The following RNASEH1 variants were observed in gnomAD, a reference collection of about 807,000 sequenced individuals.
RNASEH1 encodes the protein ribonuclease H type II.
A neutral mutation model predicts 34.6 loss-of-function variants in RNASEH1; 27 were observed. That is an observed-to-expected ratio of 0.78 (90% confidence interval 0.58 to 1.08). The LOEUF is 1.08. Among genes scored for constraint, RNASEH1 ranks in the 50% least tolerant of loss-of-function variants. The pLI is 0.00. For synonymous variants in RNASEH1, 162 were observed against 138.4 expected (o/e 1.17, Z -1.20); for missense variants, 349 against 373.6 (o/e 0.93, Z 0.54).
At chr2:3,550,208 C>A (rs2103343816) in intron 4 of RNASEH1, 165 bp downstream of exon 4, 1 of 535,726 alleles carries the variant, frequency 1.9e-6, no homozygotes, top group Non-Finnish European at 3.4e-6. Context: ...TTCTGAAAAG[C>A]AATGCCGCTT....
chr2:3,550,795 C>T (rs138940735), intron 3 of RNASEH1, among the ~76,000 whole-genome samples: 2,552 of 152,318 alleles, frequency 0.017, 41 homozygotes, highest in South Asian at 0.061. Context: ...GCTGTCTCCA[C>T]GGCAGGGTCA....
chr2:3,554,517 CA>C (rs1322310576), intron 2 of RNASEH1, among the ~76,000 whole-genome samples: 2 of 152,002 alleles, frequency 1.3e-5, no homozygotes, highest in Non-Finnish European at 2.9e-5. Context: ...TGTTAAAAAA[CA>C]AAAAACTGTA....
chr2:3,557,942 A>T, intron 1 of RNASEH1, 191 bp downstream of exon 1: 4 of 1,526,340 alleles, frequency 2.6e-6, no homozygotes, highest in Non-Finnish European at 3.5e-6. Flanking sequence ...GGTGCGTTCC[A>T]GTCCCAGGCC....
At chr2:3,556,506 T>A (rs950626682) in intron 2 of RNASEH1, among the ~76,000 whole-genome samples, 1 of 152,060 alleles carries the variant, frequency 6.6e-6, no homozygotes, top group African/African-American at 2.4e-5. Flanking sequence ...AGTTTCATCA[T>A]GTTGGCCAGG....
intron 3 of RNASEH1, among the ~76,000 whole-genome samples, chr2:3,551,415 G>C (rs1369439604): frequency 6.6e-6 from 1 of 152,220 alleles, no homozygotes; most frequent in Non-Finnish European, 1.5e-5. Flanking sequence ...TCTGGAAACG[G>C]CTCATCTCCC....
At chr2:3,550,555 G>A (rs958906460) in intron 3 of RNASEH1, 83 bp from the exon 4 acceptor site, 10 of 1,038,796 alleles carry the variant, frequency 9.6e-6, no homozygotes, top group African/African-American at 3.1e-5. Context: ...GGTCGACTTA[G>A]CATTTTAAAC....
At position 3,543,451 on chromosome 2, in the gene RNASEH1, G is replaced by A. The variant is rs999898025; in HGVS notation, c.*2334C>T. ...TGCAGGGAGCTATCAATGACTGTGC[G>A]TGTGGTCTGTGCACACATGTATGCA... On this transcript the variant is annotated 3_prime_UTR_variant, in exon 8 of 8. Transcript: ENST00000315212. Among the ~76,000 whole-genome samples, 5 of 152,176 alleles carry A rather than the reference G, an allele frequency of 3.3e-5. No individual in the cohort carries two copies. The highest frequency in any genetic ancestry group is 9.6e-5 in the African/African-American group (4 of 41,492).
At position 3,545,797 on chromosome 2, in the gene RNASEH1, T is replaced by C. The variant is rs1190789630; in HGVS notation, c.849A>G (p.Gln283=). 1.8e-5 allele frequency: 29 copies of C among 1,613,094 alleles called. No homozygotes were observed. Among genetic ancestry groups the C allele is most frequent in the Non-Finnish European group, 2.3e-5 (27 of 1,179,002 alleles). Residue 283 remains glutamine (Q), a synonymous_variant, in exon 8 of 8, where the codon CAA becomes CAG. Transcript: ENST00000315212. ...AAAGTCACATGGCTCAGTCTTCCGA[T>C]TGTTTAGCTCCTTCTCTGGCTAATC... ...ADRLAREGAK[Q]SED is the part of the protein sequence containing the mutation.
chr2:3,540,188 C>G (rs1048371598), downstream of RNASEH1, among the ~76,000 whole-genome samples: 2 of 152,130 alleles, frequency 1.3e-5, no homozygotes, highest in Non-Finnish European at 1.5e-5. Context: ...TCTGATATGA[C>G]AGTCACTCAA....
chr2:3,551,888 C>G (rs541501711), intron 3 of RNASEH1, among the ~76,000 whole-genome samples: 1 of 152,328 alleles, frequency 6.6e-6, no homozygotes, highest in African/African-American at 2.4e-5. Flanking sequence ...GTACTGCATG[C>G]ACAGGGAATA....
chr2:3,543,075 T>C lies in RNASEH1; in HGVS notation c.*2710A>G, dbSNP rs1257094783. ...CATAGTGACTTATAACCTCACTTAA[T>C]GTATAAGCAAACTGGGACCTGACTT... On this transcript the variant is annotated 3_prime_UTR_variant, in exon 8 of 8. Transcript: ENST00000315212. Among the ~76,000 whole-genome samples the C allele has an allele frequency of 6.6e-6, 1 of 152,206 alleles. No individual in the cohort carries two copies. Among genetic ancestry groups the C allele is most frequent in the African/African-American group, 2.4e-5 (1 of 41,452 alleles).
chr2:3,536,273 G>A, the RNASEH1 span, among the ~76,000 whole-genome samples: 18 of 152,304 alleles, frequency 1.2e-4, no homozygotes, highest in Admixed American at 2.6e-4. Flanking sequence ...AAGAACGGTC[G>A]GCCTAGAGTC....
downstream of RNASEH1, among the ~76,000 whole-genome samples, chr2:3,537,637 C>A (rs1668052039): frequency 6.6e-6 from 1 of 151,896 alleles, no homozygotes; most frequent in Non-Finnish European, 1.5e-5. Flanking sequence ...TGGAGTATCA[C>A]TTGAGCTCAG....
At chr2:3,535,235 T>C in the RNASEH1 span, among the ~76,000 whole-genome samples, 4 of 151,882 alleles carry the variant, frequency 2.6e-5, no homozygotes, top group Non-Finnish European at 5.9e-5. Flanking sequence ...CTGACCAACA[T>C]GGCAAAACCC....
chr2:3,556,534 T>A (rs1489527917), intron 2 of RNASEH1, among the ~76,000 whole-genome samples: 1 of 151,888 alleles, frequency 6.6e-6, no homozygotes, highest in African/African-American at 2.4e-5. Flanking sequence ...AGTATTTTTT[T>A]AAAAAAAGAC....
intron 2 of RNASEH1, 120 bp from the exon 3 acceptor site, chr2:3,552,428 T>A: frequency 2.2e-6 from 2 of 903,036 alleles, no homozygotes; most frequent in Admixed American, 5.5e-5. Context: ...ACACCCTCTC[T>A]ATGTGGCCCT....
chr2:3,535,818 C>T, the RNASEH1 span, among the ~76,000 whole-genome samples: 3 of 152,184 alleles, frequency 2.0e-5, no homozygotes, highest in African/African-American at 7.2e-5. Flanking sequence ...TGCGAACCCA[C>T]CAGGAGCTCT....
intron 3 of RNASEH1, 95 bp from the exon 4 acceptor site, chr2:3,550,567 G>A (rs564891668): frequency 5.3e-5 from 49 of 932,290 alleles, no homozygotes; most frequent in Admixed American, 4.4e-4. Context: ...ATTTTAAACC[G>A]AGAGGGTATT....
In RNASEH1 at chr2:3,549,178, T is replaced by C. The variant is rs922281197; in HGVS notation, c.510-66A>G. On this transcript the variant is annotated intron_variant, in intron 4 of 7. Coordinates refer to ENST00000315212, the MANE Select transcript of RNASEH1 (RefSeq NM_002936.6). The stretch of plus-strand genomic sequence containing the variant: ...GAATTCTCAAAGTGATTCTTCTTAA[T>C]GGATAACGATAAACTAGTGTGTATT... 6 of 1,190,110 alleles carry C rather than the reference T, an allele frequency of 5.0e-6. No homozygotes were observed. The African/African-American group carries it at 9.0e-5, about 18-fold the overall frequency. 73.7% of individuals were successfully genotyped at this position (1,190,110 alleles called of 1,614,324 possible).
Sources: allele counts gnomAD v4.1 joint callset (sites outside exome capture counted in the v4.1 genomes callset), GRCh38; gene constraint gnomAD v4.1.1; transcripts MANE v1.5; gene names NCBI Gene and HGNC (gene_info 2026-07-23, HGNC 2026-07-21).